SPHKAP: variants seen among roughly 807,000 people sequenced by gnomAD.
The protein encoded by SPHKAP is SPHK1 interactor, AKAP domain containing, also known as A-kinase anchor protein SPHKAP.
SPHKAP carries 67 observed loss-of-function variants against 137.5 expected under a neutral mutation model. That is an observed-to-expected ratio of 0.49 (90% confidence interval 0.40 to 0.60). The LOEUF (loss-of-function observed/expected upper bound fraction) is 0.60, where lower values mean the gene tolerates loss of function less well. Ranked by LOEUF, SPHKAP falls within the 20% of genes least tolerant of loss-of-function variation. The pLI is 0.00. For synonymous variants in SPHKAP, 813 were observed against 785.3 expected, an observed-to-expected ratio of 1.04 and a Z score of -0.59; for missense variants, 2,097 against 2,069.3, an observed-to-expected ratio of 1.01 and a Z score of -0.26.
intron 3 of SPHKAP, among the ~76,000 whole-genome samples, chr2:228,063,622 T>C (rs1696733240): frequency 6.6e-6 from 1 of 152,220 alleles, no homozygotes; most frequent in Non-Finnish European, 1.5e-5. Context: ...ACTATGCTTC[T>C]ATAACTTTCA....
In SPHKAP at chr2:228,131,841, A is replaced by G. The variant is rs1218901320; in HGVS notation, c.138+139T>C. The G allele has an allele frequency of 2.1e-6, 3 of 1,418,170 alleles. No individual in the cohort carries two copies. The African/African-American group carries it at 4.3e-5, about 20-fold the overall frequency. The allele number at this position is 1,418,170 out of a possible 1,614,324, so 87.8% of individuals were successfully genotyped here. A position where few individuals can be genotyped will look rare whatever the true frequency, so the allele number is the denominator to read the frequency against. ...TAAAATTTTAATGTTATCAAGGCTT[A>G]CTTGGGAAAGCAAACCGTGAGCCAT... On this transcript the variant is annotated intron_variant, in intron 2 of 11. Transcript: ENST00000392056.
chr2:228,016,795 C>T lies in SPHKAP; in HGVS notation c.4059G>A (p.Ala1353=), dbSNP rs142178318. 9.3e-6 allele frequency: 15 copies of T among 1,613,942 alleles called. No individual in the cohort carries two copies. The highest frequency in any genetic ancestry group is 6.6e-5 in the South Asian group (6 of 91,052). Residue 1353 remains alanine, a synonymous_variant, in exon 7 of 12, where the codon GCG becomes GCA. Transcript: ENST00000392056. ...GAGTTGGCCCACTGCACATCCTGCTCGCAGCTAATCTATTTGCACACTTCT... is the reference window on the plus strand; with the variant it reads ...GAGTTGGCCCACTGCACATCCTGCTTGCAGCTAATCTATTTGCACACTTCT... ...QAEKCANRLA[A]SRMCSGPTLL... is the part of the protein sequence containing the mutation.
At chr2:228,037,446 C>A (rs942397098) in intron 3 of SPHKAP, among the ~76,000 whole-genome samples, 2 of 152,220 alleles carry the variant, frequency 1.3e-5, no homozygotes, top group African/African-American at 2.4e-5. Flanking sequence ...CTCACACCAT[C>A]CCTGACCTGG....
At chr2:228,096,999 TC>T (rs1417070514) in intron 3 of SPHKAP, among the ~76,000 whole-genome samples, 1 of 152,186 alleles carries the variant, frequency 6.6e-6, no homozygotes, top group East Asian at 1.9e-4. Context: ...TTTTAAGCTA[TC>T]ACTTCTAACT....
intron 11 of SPHKAP, among the ~76,000 whole-genome samples, chr2:227,990,584 A>G (rs1377585358): frequency 1.3e-5 from 2 of 152,184 alleles, no homozygotes; most frequent in Non-Finnish European, 2.9e-5. Flanking sequence ...ACCTGTTTGG[A>G]AGGGAATTAA....
At chr2:228,102,520 A>G (rs973285715) in intron 3 of SPHKAP, among the ~76,000 whole-genome samples, 5 of 152,208 alleles carry the variant, frequency 3.3e-5, no homozygotes, top group African/African-American at 1.2e-4. Context: ...ACCTACAACC[A>G]TAAGATCTAA....
chr2:228,159,950 G>C (rs192323934), intron 1 of SPHKAP, among the ~76,000 whole-genome samples: 2 of 152,338 alleles, frequency 1.3e-5, no homozygotes, highest in East Asian at 1.9e-4. Context: ...TAGGAGCCTG[G>C]AGCCAGGAGC....
intron 7 of SPHKAP, among the ~76,000 whole-genome samples, chr2:228,007,527 T>C (rs191747313): frequency 1.6e-4 from 24 of 152,196 alleles, no homozygotes; most frequent in Admixed American, 1.1e-3. Context: ...CTTCTATGAG[T>C]TTGACTTTTT....
At chr2:228,098,012 C>G (rs1190863244) in intron 3 of SPHKAP, among the ~76,000 whole-genome samples, 1 of 152,166 alleles carries the variant, frequency 6.6e-6, no homozygotes, top group African/African-American at 2.4e-5. Flanking sequence ...AATGGGATTG[C>G]TGGATTAAAT....
chr2:228,172,007 G>T (rs1700599887), intron 1 of SPHKAP, among the ~76,000 whole-genome samples: 1 of 151,516 alleles, frequency 6.6e-6, no homozygotes, highest in African/African-American at 2.4e-5. Flanking sequence ...CTCTTAAGAG[G>T]CTTATAAATT....
rs71043028 is a variant in SPHKAP at position 228,134,234 on chromosome 2, G to GAGGAAGGA, written c.33-2157_33-2150dup. On this transcript the variant is annotated intron_variant, in intron 1 of 11. Transcript: ENST00000392056. Reference sequence around the variant, plus strand: ...GAAGGAAGGAAGGGAAGGAGGGAGGGAGGAAGGAAGGAAGGAAGGAAGGAA... The same window carrying GAGGAAGGA: ...GAAGGAAGGAAGGGAAGGAGGGAGGGAGGAAGGAAGGAAGGAAGGAAGGAAGGAAGGAA... Among the ~76,000 whole-genome samples, 103 of 141,424 alleles carry GAGGAAGGA rather than the reference G, an allele frequency of 7.3e-4. 1 individual carries two copies. The highest frequency in any genetic ancestry group is 1.9e-3 in the East Asian group (9 of 4,732). 92.8% of individuals were successfully genotyped at this position (141,424 alleles called of 152,430 possible). A position where few individuals can be genotyped will look rare whatever the true frequency, so the allele number is the denominator to read the frequency against.
At chr2:228,173,326 T>C (rs990198538) in intron 1 of SPHKAP, among the ~76,000 whole-genome samples, 2 of 152,206 alleles carry the variant, frequency 1.3e-5, no homozygotes, top group African/African-American at 4.8e-5. Flanking sequence ...CCCTCAAAGA[T>C]ATCCATATCT....
intron 11 of SPHKAP, among the ~76,000 whole-genome samples, chr2:227,989,098 A>G (rs948467703): frequency 2.6e-5 from 4 of 152,332 alleles, no homozygotes; most frequent in African/African-American, 4.8e-5. Context: ...TAACTACTGT[A>G]AGCAGGGACA....
At chr2:228,045,814 C>T (rs921066584) in intron 3 of SPHKAP, among the ~76,000 whole-genome samples, 3 of 151,498 alleles carry the variant, frequency 2.0e-5, no homozygotes, top group South Asian at 2.1e-4. Flanking sequence ...AAGCCAGGCA[C>T]GAAAAGATAA....
chr2:228,008,300 T>G (rs899631776), intron 7 of SPHKAP, among the ~76,000 whole-genome samples: 1 of 151,438 alleles, frequency 6.6e-6, no homozygotes, highest in Admixed American at 6.6e-5. Context: ...AGGAGTTTTT[T>G]TTTTTTTTTT....
intron 4 of SPHKAP, among the ~76,000 whole-genome samples, chr2:228,026,798 T>C (rs1403845533): frequency 2.0e-5 from 3 of 152,346 alleles, no homozygotes; most frequent in East Asian, 3.9e-4. Context: ...ATTGTCAATA[T>C]GGGAATAACT....
chr2:228,013,032 C>A (rs1694448118), intron 7 of SPHKAP, among the ~76,000 whole-genome samples: 2 of 152,200 alleles, frequency 1.3e-5, no homozygotes, highest in African/African-American at 2.4e-5. Flanking sequence ...ACCTCCCCAT[C>A]TCCAAACAAA....
intron 3 of SPHKAP, among the ~76,000 whole-genome samples, chr2:228,069,199 G>A (rs931524543): frequency 1.3e-5 from 2 of 152,086 alleles, no homozygotes; most frequent in Admixed American, 6.6e-5. Flanking sequence ...CCTGGGAGGC[G>A]GAGGTTTCTG....
At chr2:228,002,206 T>G (rs1289171348) in intron 7 of SPHKAP, among the ~76,000 whole-genome samples, 1 of 152,208 alleles carries the variant, frequency 6.6e-6, no homozygotes, top group African/African-American at 2.4e-5. Flanking sequence ...AGTGTTCCTG[T>G]TTCTCCACAT....
Sources: allele counts gnomAD v4.1 joint callset (sites outside exome capture counted in the v4.1 genomes callset), GRCh38; gene constraint gnomAD v4.1.1; transcripts MANE v1.5; gene names NCBI Gene and HGNC (gene_info 2026-07-23, HGNC 2026-07-21).